Variants in PDCD6IP observed in about 807,000 individuals in gnomAD.
PDCD6IP encodes programmed cell death 6 interacting protein.
Under a neutral mutation model 103.7 loss-of-function variants are expected in PDCD6IP, and 43 were observed. The observed-to-expected ratio is 0.41, with a 90% CI of 0.32 to 0.53. PDCD6IP has a LOEUF of 0.53. Ranked by LOEUF, PDCD6IP falls within the 20% of genes least tolerant of loss-of-function variation. The probability of loss-of-function intolerance (pLI) is 0.16; values close to 1 mark genes in which losing one functional copy is unlikely to be tolerated. For missense variants in PDCD6IP, 871 were observed against 1,036.7 expected, an observed-to-expected ratio of 0.84 and a Z score of 2.20; for synonymous variants, 354 against 378.7, an observed-to-expected ratio of 0.93 and a Z score of 0.76.
chr3:33,807,014 TAA>T (rs1309547095), intron 1 of PDCD6IP, among the ~76,000 whole-genome samples: 1 of 152,212 alleles, frequency 6.6e-6, no homozygotes, highest in African/African-American at 2.4e-5. Flanking sequence ...TAATCTGTCC[TAA>T]GATAGCCATT....
chr3:33,840,585 C>T (rs1450786674), intron 9 of PDCD6IP, among the ~76,000 whole-genome samples: 3 of 152,220 alleles, frequency 2.0e-5, no homozygotes, highest in African/African-American at 7.2e-5. Context: ...TGAGATTTTA[C>T]AGAGCTTATT....
chr3:33,799,059 A>G lies in PDCD6IP; in HGVS notation c.209+122A>G, dbSNP rs541362459. ...GGAGCCGCCCCGTCCCGGCCTGACC[A>G]GGCGCGTAGGTGTGGTCTGCATTCT... On this transcript the variant is annotated intron_variant, in intron 1 of 17. Transcript: ENST00000307296. 1.0e-3 allele frequency: 953 copies of G among 941,820 alleles called. 1 individual carries two copies. Among genetic ancestry groups the G allele is most frequent in the Non-Finnish European group, 1.2e-3 (774 of 648,332 alleles). 58.3% of individuals were successfully genotyped at this position (941,820 alleles called of 1,614,324 possible).
At chr3:33,817,314 A>T (rs1021927371) in intron 3 of PDCD6IP, among the ~76,000 whole-genome samples, 1 of 152,198 alleles carries the variant, frequency 6.6e-6, no homozygotes, top group Non-Finnish European at 1.5e-5. Flanking sequence ...GTGAATGTTT[A>T]TGTAGTTATT....
At chr3:33,836,349 T>A (rs1470774616) in intron 8 of PDCD6IP, 83 bp downstream of exon 8, 1 of 726,698 alleles carries the variant, frequency 1.4e-6, no homozygotes, top group Non-Finnish European at 2.4e-6. Context: ...ACATAATTGC[T>A]GTTGTATGCT....
At chr3:33,800,011 T>G (rs1421388191) in intron 1 of PDCD6IP, among the ~76,000 whole-genome samples, 1 of 149,482 alleles carries the variant, frequency 6.7e-6, no homozygotes, top group Non-Finnish European at 1.5e-5. Context: ...TCCCAGCTAC[T>G]CGGGAGGCTG....
chr3:33,831,492 A>G (rs10212473), intron 7 of PDCD6IP, among the ~76,000 whole-genome samples: 44,381 of 152,002 alleles, frequency 0.29, 6,713 homozygotes, highest in East Asian at 0.41. Context: ...AAGAAAAAAT[A>G]GTACTTAATT....
rs193171593 is a variant in PDCD6IP, at chr3:33,861,569, G to C, written c.2121-2437G>C. Among the ~76,000 whole-genome samples the C allele has an allele frequency of 5.1e-4, 77 of 152,324 alleles. 1 individual carries two copies. The highest frequency in any genetic ancestry group is 9.2e-4 in the Admixed American group (14 of 15,300). ...GCTTTTGGTGAGCATGTTATATGCA[G>C]TGCTGTTGGGTATATATCGAGGTCA... On this transcript the variant is annotated intron_variant, in intron 15 of 17. Coordinates refer to ENST00000307296, the MANE Select transcript of PDCD6IP (RefSeq NM_013374.6).
chr3:33,859,678 C>T (rs1193191883), intron 15 of PDCD6IP, among the ~76,000 whole-genome samples: 1 of 152,106 alleles, frequency 6.6e-6, no homozygotes, highest in Non-Finnish European at 1.5e-5. Flanking sequence ...TGATAATATG[C>T]TTTGTTGTCA....
intron 1 of PDCD6IP, among the ~76,000 whole-genome samples, chr3:33,799,834 T>TA (rs1696428874): frequency 6.6e-6 from 1 of 152,056 alleles, no homozygotes; most frequent in South Asian, 2.1e-4. Context: ...AGAAAAGACT[T>TA]ATTCTGCCGG....
At chr3:33,803,873 A>G (rs1416366416) in intron 1 of PDCD6IP, among the ~76,000 whole-genome samples, 1 of 151,496 alleles carries the variant, frequency 6.6e-6, no homozygotes, top group Non-Finnish European at 1.5e-5. Flanking sequence ...GGTTTTTCTA[A>G]TATATTTTAG....
rs774743108 is a variant in PDCD6IP at position 33,813,646 on chromosome 3, A to G, written c.334+18A>G. 6.9e-7 allele frequency: 1 copy of G among 1,445,166 alleles called. No homozygotes were observed. The highest frequency in any genetic ancestry group is 2.3e-5 in the East Asian group (1 of 43,990). The allele number at this position is 1,445,166 out of a possible 1,614,324, so 89.5% of individuals were successfully genotyped here. A position where few individuals can be genotyped will look rare whatever the true frequency, so the allele number is the denominator to read the frequency against. Reference sequence around the variant, plus strand: ...AAAACTGGGTATGTAATTTTTAATAAAAGTGATAGGAAAATTGGTCTAACT... The same window carrying G: ...AAAACTGGGTATGTAATTTTTAATAGAAGTGATAGGAAAATTGGTCTAACT... On this transcript the variant is annotated intron_variant, in intron 3 of 17. Transcript: ENST00000307296.
Position 33,863,863 on chromosome 3 carries a change from T to C in PDCD6IP, c.2121-143T>C, listed in dbSNP as rs528231942. 28 of 642,012 alleles carry C rather than the reference T, an allele frequency of 4.4e-5. 2 individuals are homozygous for C. In the South Asian group the frequency reaches 5.7e-4, roughly 13 times the overall value. 39.8% of individuals were successfully genotyped at this position (642,012 alleles called of 1,614,324 possible). On this transcript the variant is annotated intron_variant, in intron 15 of 17. Transcript: ENST00000307296. ...TGTTTTCCATAGTCACTGTACTAATTTGAAATGTAGTATATTTTAAAATAC... is the reference window on the plus strand; with the variant it reads ...TGTTTTCCATAGTCACTGTACTAATCTGAAATGTAGTATATTTTAAAATAC...
At position 33,841,995 on chromosome 3, in the gene PDCD6IP, A is replaced by G. The variant is rs745766551; in HGVS notation, c.1280A>G (p.Gln427Arg). The change falls in exon 10 of 18, where the codon CAG (glutamine) becomes CGG (arginine). Residue 427 changes from glutamine to arginine, a missense_variant. By Grantham distance (43) the Gln-to-Arg change is conservative. Coordinates refer to ENST00000307296, the MANE Select transcript of PDCD6IP (RefSeq NM_013374.6). ...ILTKSRSVIE[Q>R]GGIQTVDQLI... Reference sequence around the variant, plus strand: ...ACTAAATCCAGATCTGTGATTGAACAGGGAGGCATCCAGACTGTTGATCAG... The same window carrying G: ...ACTAAATCCAGATCTGTGATTGAACGGGGAGGCATCCAGACTGTTGATCAG... 6.8e-6 allele frequency: 11 copies of G among 1,607,412 alleles called. No homozygotes were observed. In the African/African-American group the frequency reaches 1.2e-4, roughly 18 times the overall value.
At chr3:33,817,173 C>G (rs1696871867) in intron 3 of PDCD6IP, among the ~76,000 whole-genome samples, 1 of 152,154 alleles carries the variant, frequency 6.6e-6, no homozygotes, top group South Asian at 2.1e-4. Context: ...TTGTACAACT[C>G]TAGGGTCCCC....
intron 15 of PDCD6IP, among the ~76,000 whole-genome samples, chr3:33,859,426 T>C (rs1032666088): frequency 2.0e-5 from 3 of 151,988 alleles, no homozygotes; most frequent in African/African-American, 7.3e-5. Flanking sequence ...GGGAATCCAA[T>C]ATTTGAAACT....
intron 15 of PDCD6IP, among the ~76,000 whole-genome samples, chr3:33,858,347 G>A (rs771865681): frequency 2.6e-5 from 4 of 152,134 alleles, no homozygotes; most frequent in South Asian, 2.1e-4. Context: ...TCAACTGGGC[G>A]TGATGGCATG....
In PDCD6IP at chr3:33,822,025, A is replaced by G; in HGVS notation, c.405A>G (p.Ala135=). 1.2e-6 allele frequency: 2 copies of G among 1,614,132 alleles called. No individual in the cohort carries two copies. Among genetic ancestry groups the G allele is most frequent in the East Asian group, 4.5e-5 (2 of 44,870 alleles). The part of the protein sequence containing the change: ...FNCAALASQI[A]AEQNLDNDEG... Reference sequence around the variant, plus strand: ...GTGCAGCCTTAGCTAGCCAAATTGCAGCAGAACAGAACCTGGATAATGATG... The same window carrying G: ...GTGCAGCCTTAGCTAGCCAAATTGCGGCAGAACAGAACCTGGATAATGATG... Residue 135 remains alanine (A), a synonymous_variant, in exon 4 of 18, where the codon GCA becomes GCG. Coordinates refer to ENST00000307296, the MANE Select transcript of PDCD6IP (RefSeq NM_013374.6).
intron 8 of PDCD6IP, among the ~76,000 whole-genome samples, chr3:33,837,648 G>A (rs1697379923): frequency 6.6e-6 from 1 of 151,804 alleles, no homozygotes; most frequent in Admixed American, 6.6e-5. Context: ...TGGTGCAGTG[G>A]TGCAATCTCG....
intron 15 of PDCD6IP, among the ~76,000 whole-genome samples, chr3:33,855,732 C>G (rs1313225468): frequency 1.3e-5 from 2 of 152,140 alleles, no homozygotes; most frequent in Non-Finnish European, 1.5e-5. Flanking sequence ...TAGCACAGTG[C>G]TGATAAAAGG....
Sources: allele counts gnomAD v4.1 joint callset (sites outside exome capture counted in the v4.1 genomes callset), GRCh38; gene constraint gnomAD v4.1.1; transcripts MANE v1.5; gene names NCBI Gene and HGNC (gene_info 2026-07-23, HGNC 2026-07-21).